SLC24A2: variants seen among roughly 807,000 people sequenced by gnomAD.
SLC24A2 encodes the protein sodium/potassium/calcium exchanger 2.
A neutral mutation model predicts 62.0 loss-of-function variants in SLC24A2; 36 were observed. That is an observed-to-expected ratio of 0.58 (90% CI 0.44 to 0.77). The LOEUF is 0.77. Among genes scored for constraint, SLC24A2 ranks in the 30% least tolerant of loss-of-function variants. The probability of loss-of-function intolerance (pLI) is 0.00; values close to 1 mark genes in which losing one functional copy is unlikely to be tolerated. For missense variants in SLC24A2, 846 were observed against 817.9 expected (o/e 1.03, Z -0.42); for synonymous variants, 358 against 294.0 (o/e 1.22, Z -2.23).
At chr9:20,177,748 T>A in the SLC24A2 span, among the ~76,000 whole-genome samples, 1 of 152,120 alleles carries the variant, frequency 6.6e-6, no homozygotes, top group African/African-American at 2.4e-5. Context: ...ACAAGAAAAC[T>A]AGTATCTATT....
chr9:20,091,165 A>G, the SLC24A2 span, among the ~76,000 whole-genome samples: 4 of 152,168 alleles, frequency 2.6e-5, no homozygotes, highest in Non-Finnish European at 5.9e-5. Context: ...AAAAAAAAGA[A>G]TAAGAAAGAA....
At chr9:20,100,307 C>A in the SLC24A2 span, among the ~76,000 whole-genome samples, 1 of 152,176 alleles carries the variant, frequency 6.6e-6, no homozygotes, top group Admixed American at 6.5e-5. Context: ...GCCATACACC[C>A]ACCTTGGCCT....
Position 19,691,565 on chromosome 9 carries a change from G to A in SLC24A2, c.931-69266C>T, listed in dbSNP as rs577962563. ...TGCGATTATTAACCTAGTACTTTAA[G>A]AGTAGTTTAAAGGACTCACTTTTCT... On this transcript the variant is annotated intron_variant, in intron 2 of 10. Coordinates refer to ENST00000341998, the MANE Select transcript of SLC24A2 (RefSeq NM_020344.4). 2.6e-5 allele frequency among the ~76,000 whole-genome samples: 4 copies of A among 152,254 alleles called. No homozygotes were observed. The South Asian group carries it at 6.2e-4, about 24-fold the overall frequency.
the SLC24A2 span, among the ~76,000 whole-genome samples, chr9:19,925,233 G>A: frequency 6.6e-6 from 1 of 152,164 alleles, no homozygotes; most frequent in Admixed American, 6.5e-5. Context: ...AAGATATATA[G>A]ATTTATAGTG....
intron 10 of SLC24A2, among the ~76,000 whole-genome samples, chr9:19,519,536 TCCTTTAAAACATACA>T (rs1436320802): frequency 1.3e-5 from 2 of 152,164 alleles, no homozygotes; most frequent in African/African-American, 2.4e-5. Flanking sequence ...AGGTACAACT[TCCTTTAAAACATACA>T]CCTTTTAAGG....
At chr9:20,157,411 T>G in the SLC24A2 span, among the ~76,000 whole-genome samples, 1 of 151,720 alleles carries the variant, frequency 6.6e-6, no homozygotes, top group Non-Finnish European at 1.5e-5. Context: ...AGACTCTGTC[T>G]TTGAGAGACT....
At chr9:20,244,487 C>T in the SLC24A2 span, among the ~76,000 whole-genome samples, 1 of 152,194 alleles carries the variant, frequency 6.6e-6, no homozygotes, top group African/African-American at 2.4e-5. Flanking sequence ...TGCATGCGTG[C>T]AGCCCTCAGA....
At chr9:19,788,489 G>C in intron 1 of SLC24A2, 1 of 984,640 alleles carries the variant, frequency 1.0e-6, no homozygotes, top group Non-Finnish European at 1.2e-6. Context: ...AACTTTCCCT[G>C]GTGGATTAAT....
the SLC24A2 span, among the ~76,000 whole-genome samples, chr9:20,022,125 A>T: frequency 6.6e-6 from 1 of 151,708 alleles, no homozygotes; most frequent in East Asian, 1.9e-4. Context: ...ACCATCCAAC[A>T]CTCTAACTAC....
At chr9:20,299,530 G>C in the SLC24A2 span, among the ~76,000 whole-genome samples, 2 of 152,204 alleles carry the variant, frequency 1.3e-5, no homozygotes, top group African/African-American at 2.4e-5. Context: ...TCATTTGGGA[G>C]TGACTCTACC....
chr9:19,593,575 T>C (rs1214397023), intron 5 of SLC24A2, among the ~76,000 whole-genome samples: 1 of 152,172 alleles, frequency 6.6e-6, no homozygotes, highest in African/African-American at 2.4e-5. Context: ...TGGCACAGTG[T>C]TCATGTAGAA....
chr9:20,041,385 T>A, the SLC24A2 span, among the ~76,000 whole-genome samples: 1 of 152,254 alleles, frequency 6.6e-6, no homozygotes, highest in Non-Finnish European at 1.5e-5. Context: ...TTGCTAGTCT[T>A]GTCTCTGTTC....
chr9:19,622,342 A>G, intron 2 of SLC24A2, 43 bp from the exon 3 acceptor site: 3 of 1,572,376 alleles, frequency 1.9e-6, no homozygotes, highest in Middle Eastern at 1.7e-4. Flanking sequence ...AAAGAAATAA[A>G]TAAATGAAGA....
the SLC24A2 span, among the ~76,000 whole-genome samples, chr9:20,063,712 A>G: frequency 6.6e-6 from 1 of 152,192 alleles, no homozygotes. Context: ...AATAGTAGAA[A>G]CACAACCCAA....
At chr9:20,129,199 G>C in the SLC24A2 span, among the ~76,000 whole-genome samples, 1 of 152,174 alleles carries the variant, frequency 6.6e-6, no homozygotes, top group East Asian at 1.9e-4. Flanking sequence ...AATATGCTCA[G>C]TATCATTAGT....
At chr9:20,070,365 T>C in the SLC24A2 span, among the ~76,000 whole-genome samples, 11 of 152,222 alleles carry the variant, frequency 7.2e-5, no homozygotes. Flanking sequence ...CTGGCAATTG[T>C]ACAAGTATTT....
chr9:20,280,922 G>A, the SLC24A2 span, among the ~76,000 whole-genome samples: 1 of 152,190 alleles, frequency 6.6e-6, no homozygotes, highest in Non-Finnish European at 1.5e-5. Context: ...ACAAGGGATA[G>A]AATTTTTCCC....
intron 2 of SLC24A2, among the ~76,000 whole-genome samples, chr9:19,660,711 G>A (rs141632799): frequency 9.0e-4 from 137 of 152,244 alleles, no homozygotes; most frequent in African/African-American, 3.1e-3. Flanking sequence ...TTCCTGATTC[G>A]GAGACTCCAT....
At chr9:19,909,678 C>T in the SLC24A2 span, among the ~76,000 whole-genome samples, 1 of 152,072 alleles carries the variant, frequency 6.6e-6, no homozygotes, top group Non-Finnish European at 1.5e-5. Context: ...ATTAGAGTCA[C>T]TCTTTTCTTT....
Sources: gnomAD v4.1 joint callset for allele counts (sites outside exome capture counted in the v4.1 genomes callset) on GRCh38, gnomAD v4.1.1 for gene constraint, MANE v1.5 for transcripts, NCBI Gene and HGNC (gene_info 2026-07-23, HGNC 2026-07-21) for gene names.